The following CNGB3 variants were observed in gnomAD, a reference collection of about 807,000 sequenced individuals.
CNGB3 encodes cyclic nucleotide gated channel subunit beta 3, also known as cyclic nucleotide-gated channel beta-3.
A neutral mutation model predicts 92.8 loss-of-function variants in CNGB3; 86 were observed. That is an observed-to-expected ratio of 0.93 (90% CI 0.78 to 1.11). CNGB3 has a LOEUF of 1.11. Among genes scored for constraint, CNGB3 ranks in the 50% least tolerant of loss-of-function variants. The pLI is 0.00. For synonymous variants in CNGB3, 333 were observed against 332.7 expected (o/e 1.00, Z -0.01); for missense variants, 1,026 against 956.8 (o/e 1.07, Z -0.95).
At chr8:86,648,782 G>C (rs1823341373) in intron 7 of CNGB3, among the ~76,000 whole-genome samples, 1 of 150,962 alleles carries the variant, frequency 6.6e-6, no homozygotes, top group South Asian at 2.1e-4. Flanking sequence ...ATAAAATAGA[G>C]AGCTGAGGAA....
intron 5 of CNGB3, 141 bp downstream of exon 5, chr8:86,667,878 G>T: frequency 1.1e-6 from 1 of 936,122 alleles, no homozygotes; most frequent in Non-Finnish European, 1.7e-6. Flanking sequence ...ATCCTTTGCA[G>T]GTTATTTAAT....
In CNGB3 at chr8:86,679,815, C is replaced by T. The variant is rs554163923; in HGVS notation, c.339-8717G>A. Among the ~76,000 whole-genome samples the T allele has an allele frequency of 8.5e-4, 130 of 152,136 alleles. 1 individual carries two copies. The highest frequency in any genetic ancestry group is 1.9e-3 in the South Asian group (9 of 4,810). On this transcript the variant is annotated intron_variant, in intron 3 of 17. Coordinates refer to ENST00000320005, the MANE Select transcript of CNGB3 (RefSeq NM_019098.5). ...TGTTGGGATTACAGGCATGAGCCAC[C>T]GCGTCTGGCCAGGATTGGTGTCCTT... is the stretch of plus-strand genomic sequence containing the variant.
intron 3 of CNGB3, among the ~76,000 whole-genome samples, chr8:86,721,906 G>A (rs1330587204): frequency 6.6e-6 from 1 of 152,120 alleles, no homozygotes; most frequent in Admixed American, 6.5e-5. Context: ...TTTATGAGTG[G>A]TGATAAGATT....
chr8:86,592,169 G>C (rs902660012), intron 15 of CNGB3, among the ~76,000 whole-genome samples: 1 of 152,140 alleles, frequency 6.6e-6, no homozygotes, highest in Non-Finnish European at 1.5e-5. Context: ...TGCGCTTCCC[G>C]AGTGAGGCAA....
intron 2 of CNGB3, among the ~76,000 whole-genome samples, chr8:86,734,791 G>A (rs1171465707): frequency 6.6e-6 from 1 of 152,180 alleles, no homozygotes; most frequent in East Asian, 1.9e-4. Context: ...TCTTCAGACA[G>A]GGCATGAATG....
At chr8:86,693,700 G>A (rs900044271) in intron 3 of CNGB3, among the ~76,000 whole-genome samples, 22 of 151,576 alleles carry the variant, frequency 1.5e-4, no homozygotes, top group Non-Finnish European at 2.7e-4. Context: ...ATCTTGCGCC[G>A]CCCTTAATCC....
intron 17 of CNGB3, among the ~76,000 whole-genome samples, chr8:86,576,848 A>G (rs940745560): frequency 1.3e-5 from 2 of 152,222 alleles, no homozygotes; most frequent in African/African-American, 4.8e-5. Flanking sequence ...TATTATTTCT[A>G]TGCTGATGCA....
chr8:86,576,823 A>C (rs985158626), intron 17 of CNGB3, among the ~76,000 whole-genome samples: 1 of 152,166 alleles, frequency 6.6e-6, no homozygotes, highest in Admixed American at 6.5e-5. Flanking sequence ...ACTCCCATAC[A>C]TTTTTTATGC....
intron 6 of CNGB3, among the ~76,000 whole-genome samples, chr8:86,665,778 A>G (rs976136195): frequency 6.6e-6 from 1 of 152,180 alleles, no homozygotes; most frequent in African/African-American, 2.4e-5. Flanking sequence ...GGGAGGGCAG[A>G]AAACCTAATT....
At chr8:86,658,909 C>G in intron 6 of CNGB3, 2 of 899,262 alleles carry the variant, frequency 2.2e-6, no homozygotes, top group South Asian at 1.5e-5. Context: ...GCCTTCTGCT[C>G]TAGCTCCAGC....
intron 14 of CNGB3, among the ~76,000 whole-genome samples, chr8:86,610,041 A>G (rs1305469306): frequency 6.6e-6 from 1 of 152,120 alleles, no homozygotes; most frequent in Non-Finnish European, 1.5e-5. Context: ...TCACTTGTTT[A>G]TAGCTTGTCT....
intron 2 of CNGB3, among the ~76,000 whole-genome samples, chr8:86,735,092 A>T (rs1269454276): frequency 1.2e-5 from 1 of 85,852 alleles, no homozygotes. Context: ...TGCCTTTACT[A>T]TGAATTCAAC....
At chr8:86,691,524 T>G (rs1824313726) in intron 3 of CNGB3, among the ~76,000 whole-genome samples, 1 of 152,206 alleles carries the variant, frequency 6.6e-6, no homozygotes, top group African/African-American at 2.4e-5. Flanking sequence ...TAGATGGCTT[T>G]TATTACCTTA....
intron 9 of CNGB3, 94 bp downstream of exon 9, chr8:86,644,528 T>C: frequency 2.7e-6 from 4 of 1,503,992 alleles, no homozygotes; most frequent in Non-Finnish European, 3.6e-6. Flanking sequence ...TATCCTTTTT[T>C]TGAAGAGGGG....
rs781293151 is a variant in CNGB3 at position 86,643,753 on chromosome 8, G to A, written c.1176C>T (p.Asn392=). The A allele has an allele frequency of 5.7e-5, 91 of 1,604,280 alleles. No homozygotes were observed. Among genetic ancestry groups the A allele is most frequent in the African/African-American group, 1.6e-4 (12 of 73,690 alleles). ...TTRWVYDGEG[N]EYLRCYYWAV... ...TTTCTTTCAAAATCAGAACTTACTCGTTTCCTTCCCCATCATACACCCATC... is the reference window on the plus strand; with the variant it reads ...TTTCTTTCAAAATCAGAACTTACTCATTTCCTTCCCCATCATACACCCATC... Residue 392 remains asparagine, a splice_region_variant and synonymous_variant, in exon 10 of 18, where the codon AAC becomes AAT. Coordinates refer to ENST00000320005, the MANE Select transcript of CNGB3 (RefSeq NM_019098.5).
chr8:86,743,519 A>T lies in CNGB3; in HGVS notation c.109T>A (p.Ser37Thr). 2 of 1,613,980 alleles carry T rather than the reference A, an allele frequency of 1.2e-6. No individual in the cohort carries two copies. The highest frequency in any genetic ancestry group is 8.5e-7 in the Non-Finnish European group (1 of 1,179,878). ...NEEGSHPSNQ[S>T]QQTTAQEENK... ...CATACCTGTGCTGTGGTTTGCTGAG[A>T]CTGATTACTTGGGTGAGAGCCTTCT... Residue 37 changes from serine to threonine, a missense_variant, in exon 1 of 18, where the codon TCT (serine) becomes ACT (threonine). Ser to Thr is a moderately conservative substitution (Grantham distance 58, BLOSUM62 1). Coordinates refer to ENST00000320005, the MANE Select transcript of CNGB3 (RefSeq NM_019098.5).
Position 86,629,003 on chromosome 8 carries a change from T to C in CNGB3, c.1396A>G (p.Met466Val), listed in dbSNP as rs1822907136. The C allele has an allele frequency of 1.9e-6, 3 of 1,613,956 alleles. No individual in the cohort carries two copies. Among genetic ancestry groups the C allele is most frequent in the South Asian group, 2.2e-5 (2 of 91,084 alleles). ...AGTTTAGGAATGGAGTAATTGTTCA[T>C]GTAGGCAATGGTGTCATCCATGCAG... is the stretch of plus-strand genomic sequence containing the variant. ...RACMDDTIAY[M>V]NNYSIPKLVQ... Residue 466 changes from methionine (M) to valine (V), a missense_variant, in exon 12 of 18, where the codon ATG (methionine) becomes GTG (valine). Met to Val is a conservative substitution (Grantham distance 21). Transcript: ENST00000320005.
rs750772083 is a variant in CNGB3, at chr8:86,632,827, T to C, written c.1245A>G (p.Gln415=). 15 of 1,612,948 alleles carry C rather than the reference T, an allele frequency of 9.3e-6. No individual in the cohort carries two copies. The South Asian group carries it at 1.5e-4, about 17-fold the overall frequency. Residue 415 remains glutamine, a synonymous_variant, in exon 11 of 18, where the codon CAA becomes CAG. Coordinates refer to ENST00000320005, the MANE Select transcript of CNGB3 (RefSeq NM_019098.5). ...LITIGGLPEP[Q]TLFEIVFQLL... ...GTTGAAAAACAATTTCAAATAAAGT[T>C]TGTGGTTCTGGAAGGCCACCAATGG...
At chr8:86,697,100 G>C (rs1009298062) in intron 3 of CNGB3, among the ~76,000 whole-genome samples, 1 of 152,194 alleles carries the variant, frequency 6.6e-6, no homozygotes, top group East Asian at 1.9e-4. Flanking sequence ...ATAACAAACT[G>C]GCAAGATGAA....
Sources: gnomAD v4.1 joint callset for allele counts (sites outside exome capture counted in the v4.1 genomes callset) on GRCh38, gnomAD v4.1.1 for gene constraint, MANE v1.5 for transcripts, NCBI Gene and HGNC (gene_info 2026-07-23, HGNC 2026-07-21) for gene names.